The following MAST2 variants were observed in gnomAD, a reference collection of about 807,000 sequenced individuals.
MAST2 encodes microtubule associated serine/threonine kinase 2.
A neutral mutation model predicts 147.4 loss-of-function variants in MAST2; 70 were observed. The ratio of observed to expected loss-of-function variants is 0.47; its 90% CI spans 0.39 to 0.58. The LOEUF (loss-of-function observed/expected upper bound fraction) is 0.58. Among genes scored for constraint, MAST2 ranks in the 20% least tolerant of loss-of-function variants. The pLI is 0.00. For missense variants in MAST2, 2,080 were observed against 2,302.3 expected, an observed-to-expected ratio of 0.90 and a Z score of 1.98; for synonymous variants, 869 against 896.8, an observed-to-expected ratio of 0.97 and a Z score of 0.55.
chr1:45,959,613 A>C (rs1490399709), intron 5 of MAST2, 136 bp downstream of exon 5: 7 of 694,000 alleles, frequency 1.0e-5, no homozygotes, highest in East Asian at 2.7e-5. Flanking sequence ...GACAGAGCTC[A>C]TGGGCTTGCT....
At chr1:45,957,103 C>T (rs905063137) in intron 4 of MAST2, among the ~76,000 whole-genome samples, 1 of 152,150 alleles carries the variant, frequency 6.6e-6, no homozygotes. Context: ...TATCCAGGGA[C>T]AAATTTTTTG....
rs759048803 is a variant in MAST2 at position 46,029,442 on chromosome 1, C to T, written c.2219-24C>T. The T allele has an allele frequency of 2.5e-6, 4 of 1,587,108 alleles. No individual in the cohort carries two copies. The African/African-American group carries it at 4.1e-5, about 16-fold the overall frequency. On this transcript the variant is annotated intron_variant, in intron 18 of 28. Transcript: ENST00000361297. The stretch of plus-strand genomic sequence containing the variant: ...CCACTCTACCCACAATTTCTCCTTT[C>T]CCTCTCACCCCTGATGACTTCAGAT...
chr1:45,841,074 TC>T (rs1320896435), intron 3 of MAST2, among the ~76,000 whole-genome samples: 1 of 151,888 alleles, frequency 6.6e-6, no homozygotes. Flanking sequence ...GCTGCTCCCT[TC>T]CCCACCTTTC....
intron 4 of MAST2, among the ~76,000 whole-genome samples, chr1:45,923,058 G>A (rs367802943): frequency 6.6e-5 from 10 of 152,224 alleles, no homozygotes; most frequent in African/African-American, 1.9e-4. Context: ...TCTGTGTCTC[G>A]GGCCAGACCT....
chr1:46,035,372 T>TG lies in MAST2; in HGVS notation c.4707dup (p.Pro1570AlafsTer21). The TG allele has an allele frequency of 6.2e-7, 1 of 1,613,108 alleles. No individual in the cohort carries two copies. The highest frequency in any genetic ancestry group is 8.5e-7 in the Non-Finnish European group (1 of 1,179,676). On this transcript the variant is annotated frameshift_variant, in exon 29 of 29. Coordinates refer to ENST00000361297, the MANE Select transcript of MAST2 (RefSeq NM_015112.3). LOFTEE classifies it low-confidence loss of function (END_TRUNC). The surrounding 1 kb of genome is among the most constrained non-coding windows in gnomAD (Gnocchi z 5.5). ...CCAAGCCTATTGACAGGGATCACAC[T>TG]GGGGCCTCCCAGAATGGAAAGTCCC...
chr1:45,835,174 A>G (rs1645067864), intron 3 of MAST2, among the ~76,000 whole-genome samples: 1 of 152,138 alleles, frequency 6.6e-6, no homozygotes, highest in African/African-American at 2.4e-5. Flanking sequence ...CAAGTGTTAC[A>G]TACATCCTAC....
Position 46,036,088 on chromosome 1 carries a change from A to C in MAST2, c.*22A>C, listed in dbSNP as rs1218919367. 1 of 1,574,714 alleles carries C rather than the reference A, an allele frequency of 6.4e-7. No individual in the cohort carries two copies. Among genetic ancestry groups the C allele is most frequent in the South Asian group, 1.2e-5 (1 of 84,014 alleles). On this transcript the variant is annotated 3_prime_UTR_variant, in exon 29 of 29. Transcript: ENST00000361297. ...ATAGCAGTTGTTTGCCATTTCTTGCACTCAGACCTGTGTAATATATGCTCC... is the reference window on the plus strand; with the variant it reads ...ATAGCAGTTGTTTGCCATTTCTTGCCCTCAGACCTGTGTAATATATGCTCC...
chr1:46,032,518 C>G (rs1039719537), intron 25 of MAST2, 78 bp from the exon 26 acceptor site: 42 of 1,597,324 alleles, frequency 2.6e-5, no homozygotes, highest in Admixed American at 8.4e-5. Context: ...TGAAGGGGCT[C>G]ACAGCTTAAT....
At chr1:45,923,298 G>T (rs1653833614) in intron 4 of MAST2, among the ~76,000 whole-genome samples, 1 of 152,180 alleles carries the variant, frequency 6.6e-6, no homozygotes, top group South Asian at 2.1e-4. Context: ...GAAGACCCGT[G>T]TCCTGCATCT....
intron 4 of MAST2, among the ~76,000 whole-genome samples, chr1:45,911,311 A>G (rs1307351734): frequency 1.3e-5 from 2 of 152,240 alleles, no homozygotes; most frequent in Non-Finnish European, 2.9e-5. Context: ...CTTTGGTCAG[A>G]TAAAGGATGT....
chr1:45,851,033 T>C (rs1410948862), intron 3 of MAST2, among the ~76,000 whole-genome samples: 2 of 152,162 alleles, frequency 1.3e-5, no homozygotes, highest in South Asian at 4.1e-4. Flanking sequence ...AGAATTATGC[T>C]GAATCTGTAG....
At position 45,820,714 on chromosome 1, in the gene MAST2, T is replaced by G. The variant is rs1024246502; in HGVS notation, c.178-3719T>G. ...TTGCTGGGGATCTTTATTTTTTATT[T>G]TTTGGATCTTCATTTTTTCAGATGG... On this transcript the variant is annotated intron_variant, in intron 1 of 28. Transcript: ENST00000361297. Among the ~76,000 whole-genome samples, 9 of 152,118 alleles carry G rather than the reference T, an allele frequency of 5.9e-5. No homozygotes were observed. The East Asian group carries it at 1.7e-3, about 29-fold the overall frequency.
At chr1:45,842,100 C>A (rs1008997160) in intron 3 of MAST2, among the ~76,000 whole-genome samples, 4 of 152,070 alleles carry the variant, frequency 2.6e-5, no homozygotes, top group Non-Finnish European at 5.9e-5. Flanking sequence ...TCGTTGTATT[C>A]TTCTGTGTCG....
chr1:45,916,580 G>T (rs1652557852), intron 4 of MAST2, among the ~76,000 whole-genome samples: 1 of 152,078 alleles, frequency 6.6e-6, no homozygotes, highest in African/African-American at 2.4e-5. Flanking sequence ...GACATTATAT[G>T]ATACATTCAT....
At chr1:45,924,435 A>G (rs1452161540) in intron 4 of MAST2, among the ~76,000 whole-genome samples, 2 of 152,116 alleles carry the variant, frequency 1.3e-5, no homozygotes, top group Non-Finnish European at 2.9e-5. Flanking sequence ...AGAACTGAAA[A>G]TTGAGTGCTA....
rs79330906 is a variant in MAST2, at chr1:45,869,576, A to G, written c.469-12788A>G. Among the ~76,000 whole-genome samples the G allele has an allele frequency of 7.5e-3, 1,136 of 152,208 alleles. 14 individuals carry two copies. The highest frequency in any genetic ancestry group is 0.018 in the South Asian group (86 of 4,828). Reference sequence around the variant, plus strand: ...TGTTTTATCCTCTGCTGCTTTATGTATTTACTGAATTTCATCTATTCTAAG... The same window carrying G: ...TGTTTTATCCTCTGCTGCTTTATGTGTTTACTGAATTTCATCTATTCTAAG... On this transcript the variant is annotated intron_variant, in intron 3 of 28. Transcript: ENST00000361297.
intron 1 of MAST2, among the ~76,000 whole-genome samples, chr1:45,807,133 G>T (rs1333348078): frequency 6.6e-6 from 1 of 152,182 alleles, no homozygotes; most frequent in Non-Finnish European, 1.5e-5. Flanking sequence ...TCCTCATCTT[G>T]TCTGACCTCT....
intron 10 of MAST2, among the ~76,000 whole-genome samples, chr1:46,018,011 A>C (rs1646030331): frequency 6.6e-6 from 1 of 152,054 alleles, no homozygotes; most frequent in African/African-American, 2.4e-5. Context: ...CAAGGAACTC[A>C]CTGGCCAATT....
At chr1:45,946,462 T>C (rs146821700) in intron 4 of MAST2, among the ~76,000 whole-genome samples, 1 of 152,342 alleles carries the variant, frequency 6.6e-6, no homozygotes, top group Non-Finnish European at 1.5e-5. Flanking sequence ...GTCTTTTCTT[T>C]AAAACCCTTG....
Sources: gnomAD v4.1 joint callset for allele counts (sites outside exome capture counted in the v4.1 genomes callset) on GRCh38, gnomAD v4.1.1 for gene constraint, Gnocchi (gnomAD v3.1) non-coding constraint, MANE v1.5 for transcripts, NCBI Gene and HGNC (gene_info 2026-07-23, HGNC 2026-07-21) for gene names.